ZNF385D: variants seen among roughly 807,000 people sequenced by gnomAD.
The protein encoded by ZNF385D is zinc finger protein 659.
In ZNF385D, 15 loss-of-function variants were observed where a neutral mutation model predicts 35.8. The ratio of observed to expected loss-of-function variants is 0.42; its 90% CI spans 0.28 to 0.64. ZNF385D has a LOEUF of 0.64. Among genes scored for constraint, ZNF385D ranks in the 30% least tolerant of loss-of-function variants. The probability of loss-of-function intolerance (pLI) is 0.23; values close to 1 mark genes in which losing one functional copy is unlikely to be tolerated. For synonymous variants in ZNF385D, 212 were observed against 186.8 expected, an observed-to-expected ratio of 1.13 and a Z score of -1.10; for missense variants, 474 against 494.6, an observed-to-expected ratio of 0.96 and a Z score of 0.39.
intron 3 of ZNF385D, among the ~76,000 whole-genome samples, chr3:22,084,666 T>C (rs1433449335): frequency 6.6e-6 from 1 of 152,136 alleles, no homozygotes; most frequent in Non-Finnish European, 1.5e-5. Flanking sequence ...ATTAGACAGA[T>C]CAATGAGACA....
intron 3 of ZNF385D, among the ~76,000 whole-genome samples, chr3:21,831,499 C>A (rs961722531): frequency 6.6e-6 from 1 of 152,114 alleles, no homozygotes. Flanking sequence ...AAGCTAGTGG[C>A]GGTGCTCGAA....
intron 3 of ZNF385D, among the ~76,000 whole-genome samples, chr3:21,552,973 A>G (rs145253164): frequency 4.2e-4 from 64 of 152,324 alleles, no homozygotes; most frequent in Admixed American, 1.2e-3. Flanking sequence ...GAGTGAGGCA[A>G]TGATTACACG....
At chr3:21,995,402 A>T (rs1695400368) in intron 3 of ZNF385D, among the ~76,000 whole-genome samples, 1 of 152,150 alleles carries the variant, frequency 6.6e-6, no homozygotes, top group Non-Finnish European at 1.5e-5. Context: ...CACAGGCTAC[A>T]GTGAGTGAGG....
Position 21,680,590 on chromosome 3 carries a change from T to G in ZNF385D, c.23-15562A>C, listed in dbSNP as rs865830837. Among the ~76,000 whole-genome samples the G allele has an allele frequency of 3.3e-5, 5 of 152,064 alleles. 1 individual carries two copies. The Middle Eastern group carries it at 0.01, about 310-fold the overall frequency. ...AACTAATAATATCGGATATGATGACTGATGCTTTTTTATCAAAAGGTAATA... is the reference window on the plus strand; with the variant it reads ...AACTAATAATATCGGATATGATGACGGATGCTTTTTTATCAAAAGGTAATA... On this transcript the variant is annotated intron_variant, in intron 1 of 7. Transcript: ENST00000281523.
intron 2 of ZNF385D, among the ~76,000 whole-genome samples, chr3:22,312,623 AT>A (rs1462963700): frequency 6.6e-6 from 1 of 152,208 alleles, no homozygotes; most frequent in Non-Finnish European, 1.5e-5. Flanking sequence ...AAAAGAAGAC[AT>A]TTACGGAGCC....
intron 4 of ZNF385D, among the ~76,000 whole-genome samples, chr3:21,472,563 A>G (rs1703970560): frequency 6.6e-6 from 1 of 152,170 alleles, no homozygotes; most frequent in South Asian, 2.1e-4. Flanking sequence ...ATTAAAATAA[A>G]TTTGACCTAA....
chr3:21,826,910 A>AGTAT (rs980970860), intron 3 of ZNF385D, among the ~76,000 whole-genome samples: 7 of 151,914 alleles, frequency 4.6e-5, no homozygotes, highest in Admixed American at 3.9e-4. Context: ...AACAGTGAAG[A>AGTAT]GTATGGACTT....
intron 3 of ZNF385D, chr3:22,133,624 G>A (rs1488713645): frequency 6.6e-6 from 1 of 151,742 alleles, no homozygotes; most frequent in Non-Finnish European, 1.5e-5. Flanking sequence ...AGAGGACTGG[G>A]GGGAGATACT....
In ZNF385D at chr3:21,417,208, A is replaced by G. The variant is rs112207805; in HGVS notation, c.*4006T>C. 19 of 152,224 alleles carry G rather than the reference A, an allele frequency of 1.2e-4. No individual in the cohort carries two copies. The highest frequency in any genetic ancestry group is 8.5e-4 in the Admixed American group (13 of 15,290). The allele number at this position is 152,224 out of a possible 1,614,324, so 9.4% of individuals were successfully genotyped here. The stretch of plus-strand genomic sequence containing the variant: ...CGAATAAAGAATTTTTATTCCTGAG[A>G]GGATAAAAGCAATGCCCCTCTAGTG... On this transcript the variant is annotated 3_prime_UTR_variant, in exon 8 of 8. Transcript: ENST00000281523.
intron 2 of ZNF385D, among the ~76,000 whole-genome samples, chr3:22,172,640 AT>A (rs1343030843): frequency 1.3e-5 from 2 of 152,216 alleles, no homozygotes; most frequent in Non-Finnish European, 2.9e-5. Context: ...CTAATTAAGA[AT>A]CAAAAGTTGT....
chr3:21,969,108 T>C (rs559776013), intron 3 of ZNF385D, among the ~76,000 whole-genome samples: 2 of 152,134 alleles, frequency 1.3e-5, no homozygotes, highest in South Asian at 4.2e-4. Flanking sequence ...GTAGTGGTGG[T>C]CATAGGGAGA....
At chr3:21,512,899 T>A (rs1173499879) in intron 3 of ZNF385D, among the ~76,000 whole-genome samples, 1 of 152,192 alleles carries the variant, frequency 6.6e-6, no homozygotes, top group Non-Finnish European at 1.5e-5. Flanking sequence ...TCTTTAGGCA[T>A]CTGGATATAT....
At chr3:21,430,506 G>A (rs1701245394) in intron 5 of ZNF385D, among the ~76,000 whole-genome samples, 1 of 152,078 alleles carries the variant, frequency 6.6e-6, no homozygotes, top group South Asian at 2.1e-4. Context: ...GCAGGCTGAG[G>A]GACCCAATGG....
intron 3 of ZNF385D, among the ~76,000 whole-genome samples, chr3:22,025,089 A>G (rs1415329239): frequency 6.6e-6 from 1 of 152,160 alleles, no homozygotes; most frequent in Non-Finnish European, 1.5e-5. Flanking sequence ...GACATGTGGG[A>G]GGACCCTGAT....
chr3:22,134,998 TAACA>T (rs1704021670), intron 3 of ZNF385D, among the ~76,000 whole-genome samples: 1 of 152,074 alleles, frequency 6.6e-6, no homozygotes, highest in African/African-American at 2.4e-5. Flanking sequence ...TAAAAATAAT[TAACA>T]ATCATACAAA....
chr3:21,722,500 C>A (rs1352460381), intron 1 of ZNF385D, among the ~76,000 whole-genome samples: 2 of 152,186 alleles, frequency 1.3e-5, no homozygotes, highest in African/African-American at 4.8e-5. Flanking sequence ...TCTCAGGAGT[C>A]TAGGCTCCTC....
intron 2 of ZNF385D, among the ~76,000 whole-genome samples, chr3:21,618,886 G>C (rs1010421961): frequency 7.9e-5 from 12 of 152,068 alleles, no homozygotes; most frequent in Admixed American, 7.9e-4. Context: ...ATCTCTGACC[G>C]TGTGTCACTA....
intron 1 of ZNF385D, among the ~76,000 whole-genome samples, chr3:21,676,154 G>T (rs1317593024): frequency 6.6e-6 from 1 of 152,042 alleles, no homozygotes; most frequent in Non-Finnish European, 1.5e-5. Context: ...TGTTTTAAGG[G>T]CCTATATTTA....
chr3:22,279,484 TATGGAATATACATATGTAC>T (rs1701605674), intron 2 of ZNF385D, among the ~76,000 whole-genome samples: 2 of 120,688 alleles, frequency 1.7e-5, no homozygotes, highest in African/African-American at 6.0e-5. Flanking sequence ...TATATATATA[TATGGAATATACATATGTAC>T]ATATATATGT....
Sources: allele counts gnomAD v4.1 joint callset (sites outside exome capture counted in the v4.1 genomes callset), GRCh38; gene constraint gnomAD v4.1.1; transcripts MANE v1.5; gene names NCBI Gene and HGNC (gene_info 2026-07-23, HGNC 2026-07-21).